The following GABRG3 variants were observed in gnomAD, a reference collection of about 807,000 sequenced individuals.
GABRG3 encodes the protein gamma-aminobutyric acid type A receptor subunit gamma3.
Under a neutral mutation model 48.8 loss-of-function variants are expected in GABRG3, and 25 were observed. The observed-to-expected ratio is 0.51, with a 90% confidence interval of 0.37 to 0.72. GABRG3 has a LOEUF of 0.72. GABRG3 is among the 30% of genes least tolerant of loss of function. GABRG3 has a pLI of 0.00. For synonymous variants in GABRG3, 227 were observed against 217.6 expected (o/e 1.04, Z -0.38); for missense variants, 394 against 577.9 (o/e 0.68, Z 3.26).
At chr15:27,232,340 A>G (rs1263169240) in intron 3 of GABRG3, among the ~76,000 whole-genome samples, 1 of 152,182 alleles carries the variant, frequency 6.6e-6, no homozygotes, top group African/African-American at 2.4e-5. Context: ...TAGATGCTTA[A>G]AGTAACCCAC....
At chr15:27,078,027 G>T (rs542604673) in intron 3 of GABRG3, among the ~76,000 whole-genome samples, 1 of 152,324 alleles carries the variant, frequency 6.6e-6, no homozygotes, top group South Asian at 2.1e-4. Context: ...GATGCTGGCT[G>T]GACACACAGA....
intron 3 of GABRG3, among the ~76,000 whole-genome samples, chr15:27,306,370 T>G (rs1188905912): frequency 1.5e-5 from 2 of 129,604 alleles, no homozygotes; most frequent in African/African-American, 2.8e-5. Context: ...AACATATATA[T>G]AATATAAACA....
intron 3 of GABRG3, among the ~76,000 whole-genome samples, chr15:27,197,114 T>C (rs1888520628): frequency 6.6e-6 from 1 of 152,198 alleles, no homozygotes; most frequent in African/African-American, 2.4e-5. Context: ...CCCTGATTTA[T>C]GCTGATTTGA....
At chr15:27,412,953 A>G (rs1407275909) in intron 5 of GABRG3, among the ~76,000 whole-genome samples, 1 of 152,204 alleles carries the variant, frequency 6.6e-6, no homozygotes, top group Admixed American at 6.6e-5. Context: ...CAGTAAAGTA[A>G]CAGTTTTCTT....
At chr15:27,283,369 C>T (rs1463768058) in intron 3 of GABRG3, among the ~76,000 whole-genome samples, 2 of 152,068 alleles carry the variant, frequency 1.3e-5, no homozygotes, top group African/African-American at 2.4e-5. Context: ...TTTGGGAGGC[C>T]GAGGCGGGTG....
chr15:27,054,920 A>G (rs1383763039), intron 3 of GABRG3, among the ~76,000 whole-genome samples: 1 of 151,760 alleles, frequency 6.6e-6, no homozygotes, highest in Non-Finnish European at 1.5e-5. Context: ...CCTTGGTGGA[A>G]TGGTTGTCAG....
intron 3 of GABRG3, among the ~76,000 whole-genome samples, chr15:27,114,591 A>G (rs1812576508): frequency 6.6e-6 from 1 of 152,266 alleles, no homozygotes; most frequent in South Asian, 2.1e-4. Flanking sequence ...AAAAGAGAAT[A>G]ATTTTAAAAT....
At chr15:27,146,302 A>C (rs1282477501) in intron 3 of GABRG3, among the ~76,000 whole-genome samples, 1 of 152,120 alleles carries the variant, frequency 6.6e-6, no homozygotes, top group Non-Finnish European at 1.5e-5. Context: ...AAATAAATAC[A>C]AAAAGTTAGC....
intron 3 of GABRG3, among the ~76,000 whole-genome samples, chr15:27,210,626 C>A (rs952338251): frequency 2.0e-5 from 3 of 152,206 alleles, no homozygotes; most frequent in Non-Finnish European, 4.4e-5. Context: ...TCTCAGAGTG[C>A]ATGCAGACAG....
intron 5 of GABRG3, among the ~76,000 whole-genome samples, chr15:27,336,255 A>AAAAAAGAAAG (rs1566792049): frequency 9.3e-5 from 14 of 149,802 alleles, no homozygotes; most frequent in African/African-American, 3.5e-4. Flanking sequence ...GAAAGAAAGA[A>AAAAAAGAAAG]AAAGAAAGAA....
At chr15:27,350,583 C>G (rs1894530289) in intron 5 of GABRG3, among the ~76,000 whole-genome samples, 1 of 152,146 alleles carries the variant, frequency 6.6e-6, no homozygotes, top group African/African-American at 2.4e-5. Flanking sequence ...GAAACCCCCT[C>G]CTCTCTACGT....
chr15:27,351,776 GT>G (rs1327669537), intron 5 of GABRG3, among the ~76,000 whole-genome samples: 3 of 142,642 alleles, frequency 2.1e-5, no homozygotes, highest in Non-Finnish European at 4.5e-5. Context: ...TATAGTGTGT[GT>G]TTGTGTGTAT....
intron 5 of GABRG3, among the ~76,000 whole-genome samples, chr15:27,477,884 C>T (rs1464004850): frequency 6.6e-6 from 1 of 151,888 alleles, no homozygotes; most frequent in Admixed American, 6.6e-5. Flanking sequence ...ACCCAAAATA[C>T]AAAAGATAAA....
At position 27,234,982 on chromosome 15, in the gene GABRG3, C is replaced by A. The variant is rs746562208; in HGVS notation, c.271-91827C>A. On this transcript the variant is annotated intron_variant, in intron 3 of 9. Coordinates refer to ENST00000615808, the MANE Select transcript of GABRG3 (RefSeq NM_033223.5). The stretch of plus-strand genomic sequence containing the variant: ...GTCCTCTGTGGTCTGGTCCACTCTC[C>A]AAATAGCCACAGTTCTGGCCTGTTG... Among the ~76,000 whole-genome samples, 3 of 152,078 alleles carry A rather than the reference C, an allele frequency of 2.0e-5. No individual in the cohort carries two copies. The East Asian group carries it at 5.8e-4, about 29-fold the overall frequency.
chr15:27,317,936 G>A (rs138508341), intron 3 of GABRG3, among the ~76,000 whole-genome samples: 2 of 152,202 alleles, frequency 1.3e-5, no homozygotes, highest in East Asian at 3.9e-4. Flanking sequence ...TTCAAAACAC[G>A]GAACACTCTG....
At chr15:27,231,029 G>C (rs1889780586) in intron 3 of GABRG3, among the ~76,000 whole-genome samples, 1 of 151,744 alleles carries the variant, frequency 6.6e-6, no homozygotes, top group African/African-American at 2.4e-5. Context: ...GTGTGTGTGT[G>C]TGTGTGTGTG....
chr15:27,349,786 C>T (rs1019407579), intron 5 of GABRG3, among the ~76,000 whole-genome samples: 4 of 152,098 alleles, frequency 2.6e-5, no homozygotes, highest in African/African-American at 7.2e-5. Context: ...CTTCATAGAG[C>T]CTGTGAATTT....
intron 7 of GABRG3, among the ~76,000 whole-genome samples, chr15:27,521,732 A>C (rs558641279): frequency 6.6e-6 from 1 of 152,190 alleles, no homozygotes; most frequent in South Asian, 2.1e-4. Context: ...TTCACTAACT[A>C]GACTTAAGAG....
chr15:27,176,293 G>T (rs1165347864), intron 3 of GABRG3, among the ~76,000 whole-genome samples: 1 of 152,174 alleles, frequency 6.6e-6, no homozygotes, highest in African/African-American at 2.4e-5. Flanking sequence ...AAGCACTAGT[G>T]CAAGTTGAGT....
Sources: gnomAD v4.1 joint callset for allele counts (sites outside exome capture counted in the v4.1 genomes callset) on GRCh38, gnomAD v4.1.1 for gene constraint, MANE v1.5 for transcripts, NCBI Gene and HGNC (gene_info 2026-07-23, HGNC 2026-07-21) for gene names.